The following PIK3CD variants were observed in gnomAD, a reference collection of about 807,000 sequenced individuals.
The protein encoded by PIK3CD is phosphatidylinositol 4,5-bisphosphate 3-kinase catalytic subunit delta isoform.
Under a neutral mutation model 122.9 loss-of-function variants are expected in PIK3CD, and 20 were observed. The observed-to-expected ratio is 0.16, with a 90% confidence interval of 0.11 to 0.24. PIK3CD has a LOEUF of 0.24. Among genes scored for constraint, PIK3CD ranks in the 10% least tolerant of loss-of-function variants. The pLI, the probability that PIK3CD is intolerant of heterozygous loss-of-function variation, is 1.00. For missense variants in PIK3CD, 787 were observed against 1,406.3 expected (o/e 0.56, Z 7.04); for synonymous variants, 596 against 593.4 (o/e 1.00, Z -0.06).
At chr1:9,681,745 C>G (rs1481808770) in intron 1 of PIK3CD, among the ~76,000 whole-genome samples, 2 of 152,156 alleles carry the variant, frequency 1.3e-5, no homozygotes, top group African/African-American at 2.4e-5. Flanking sequence ...AAGGTGCTAT[C>G]CCATCACTGT....
the PIK3CD span, among the ~76,000 whole-genome samples, chr1:9,637,583 C>A: frequency 4.6e-5 from 7 of 152,168 alleles, no homozygotes; most frequent in African/African-American, 1.7e-4. Context: ...AGTCTGAAGT[C>A]TCGGTGGAGA....
intron 15 of PIK3CD, 21 bp downstream of exon 15, chr1:9,721,608 C>A (rs757724826): frequency 1.2e-6 from 2 of 1,612,174 alleles, no homozygotes; most frequent in Non-Finnish European, 1.7e-6. Context: ...TTGCCCCAGC[C>A]GTTCTGTGGG....
At chr1:9,640,126 A>G in the PIK3CD span, among the ~76,000 whole-genome samples, 2 of 151,388 alleles carry the variant, frequency 1.3e-5, no homozygotes, top group Non-Finnish European at 2.9e-5. Flanking sequence ...GACCCCCGAG[A>G]TATGCACCCA....
intron 14 of PIK3CD, 41 bp from the exon 15 acceptor site, chr1:9,721,403 A>C: frequency 6.2e-7 from 1 of 1,611,446 alleles, no homozygotes; most frequent in Non-Finnish European, 8.5e-7. Context: ...TCCTGTCCTG[A>C]GTCGGGGAGC....
In PIK3CD at chr1:9,722,425, G is replaced by A; in HGVS notation, c.2347+69G>A. On this transcript the variant is annotated intron_variant, in intron 18 of 23. Transcript: ENST00000377346. The surrounding 1 kb of genome is among the most constrained non-coding windows in gnomAD (Gnocchi z 7.6). Reference sequence around the variant, plus strand: ...GGGTCCTGGGGTGCTCCTAGAGTGGGGGTGGAGAAGACAGAATCCTGGGAC... The same window carrying A: ...GGGTCCTGGGGTGCTCCTAGAGTGGAGGTGGAGAAGACAGAATCCTGGGAC... The A allele has an allele frequency of 6.5e-7, 1 of 1,544,344 alleles. No individual in the cohort carries two copies. Among genetic ancestry groups the A allele is most frequent in the Non-Finnish European group, 8.9e-7 (1 of 1,118,456 alleles).
At chr1:9,660,203 C>T (rs1042064216) in intron 1 of PIK3CD, among the ~76,000 whole-genome samples, 3 of 152,334 alleles carry the variant, frequency 2.0e-5, no homozygotes, top group Middle Eastern at 3.4e-3. Context: ...TGAGCCACCG[C>T]GCCTGGCCAG....
chr1:9,650,578 G>A (rs1421916584), upstream of PIK3CD, among the ~76,000 whole-genome samples: 1 of 151,658 alleles, frequency 6.6e-6, no homozygotes, highest in Non-Finnish European at 1.5e-5. Flanking sequence ...GAGCCGAGAT[G>A]GCACCACTGC....
upstream of PIK3CD, among the ~76,000 whole-genome samples, chr1:9,648,788 T>C (rs1265810902): frequency 6.6e-6 from 1 of 152,210 alleles, no homozygotes; most frequent in South Asian, 2.1e-4. Context: ...GAACACAGAA[T>C]CTGCAGCCTG....
rs1469703742 is a variant in PIK3CD, at chr1:9,651,775, G to C, written c.-165G>C. 6.6e-6 allele frequency: 1 copy of C among 152,078 alleles called. No homozygotes were observed. The highest frequency in any genetic ancestry group is 2.4e-5 in the African/African-American group (1 of 41,428). The allele number at this position is 152,078 out of a possible 1,614,324, so 9.4% of individuals were successfully genotyped here. A position where few individuals can be genotyped will look rare whatever the true frequency, so the allele number is the denominator to read the frequency against. On this transcript the variant is annotated 5_prime_UTR_variant, in exon 1 of 24. Transcript: ENST00000377346. ...GCTCCGAGCGGCCGCGAGCAGAGCC[G>C]CCCAGCCCTGCCAGCTGCGCCGGGA...
In PIK3CD at chr1:9,715,629, C is replaced by CG; in HGVS notation, c.232dup (p.Glu78GlyfsTer14). ...GTGTTCACCTGCATCAACCAGACAG[C>CG]GGAGCAGCAAGAGCTGGAGGACGAG... is the stretch of plus-strand genomic sequence containing the variant. On this transcript the variant is annotated frameshift_variant, in exon 4 of 24. Transcript: ENST00000377346. LOFTEE classifies it high-confidence loss of function. This position sits in a 1 kb window ranked among gnomAD's most constrained non-coding sequence, Gnocchi z 4.1. 1 of 1,613,812 alleles carries CG rather than the reference C, an allele frequency of 6.2e-7. No individual in the cohort carries two copies. The highest frequency in any genetic ancestry group is 8.5e-7 in the Non-Finnish European group (1 of 1,180,030).
At chr1:9,701,539 G>T (rs1646629964) in intron 2 of PIK3CD, among the ~76,000 whole-genome samples, 2 of 152,058 alleles carry the variant, frequency 1.3e-5, no homozygotes, top group Non-Finnish European at 2.9e-5. Flanking sequence ...CAGGCACAGT[G>T]GCAGACACCT....
At chr1:9,657,148 G>A (rs1477634762) in intron 1 of PIK3CD, among the ~76,000 whole-genome samples, 3 of 152,170 alleles carry the variant, frequency 2.0e-5, no homozygotes, top group East Asian at 1.9e-4. Context: ...CATCTCCTCC[G>A]TGTGTCTGGG....
chr1:9,712,308 G>GC (rs1647085782), intron 3 of PIK3CD, among the ~76,000 whole-genome samples: 1 of 150,740 alleles, frequency 6.6e-6, no homozygotes, highest in Admixed American at 6.6e-5. Flanking sequence ...TTGAGACAGG[G>GC]TTCACTCTGT....
At chr1:9,656,200 G>A (rs1347632609) in intron 1 of PIK3CD, among the ~76,000 whole-genome samples, 1 of 152,128 alleles carries the variant, frequency 6.6e-6, no homozygotes, top group Non-Finnish European at 1.5e-5. Flanking sequence ...GGGATTTTTG[G>A]TCCTGGAGGG....
the PIK3CD span, among the ~76,000 whole-genome samples, chr1:9,646,061 C>T: frequency 1.3e-5 from 2 of 152,114 alleles, no homozygotes; most frequent in African/African-American, 2.4e-5. Flanking sequence ...CGGGAGCCAC[C>T]GCACCTGGCC....
Position 9,722,625 on chromosome 1 carries a change from C to T in PIK3CD, c.2426+19C>T, listed in dbSNP as rs1440071775. 1.2e-6 allele frequency: 2 copies of T among 1,602,730 alleles called. No individual in the cohort carries two copies. Among genetic ancestry groups the T allele is most frequent in the Non-Finnish European group, 1.7e-6 (2 of 1,169,982 alleles). ...ACCTGAGGTGAGGACCCCCACCCCACATCGTCCCTTGGTGTCTGTGCCCAG... is the reference window on the plus strand; with the variant it reads ...ACCTGAGGTGAGGACCCCCACCCCATATCGTCCCTTGGTGTCTGTGCCCAG... On this transcript the variant is annotated intron_variant, in intron 19 of 23. Transcript: ENST00000377346. The surrounding 1 kb of genome is among the most constrained non-coding windows in gnomAD (Gnocchi z 7.6).
the PIK3CD span, among the ~76,000 whole-genome samples, chr1:9,636,588 T>C: frequency 6.6e-6 from 1 of 152,184 alleles, no homozygotes; most frequent in Non-Finnish European, 1.5e-5. Context: ...GCTCTTCCAT[T>C]GAGTGGATGT....
chr1:9,653,442 G>A (rs4240896), intron 1 of PIK3CD: 123,835 of 239,680 alleles, frequency 0.52, 35,055 homozygotes, highest in East Asian at 0.92. Context: ...GTTTCTCCAG[G>A]ATCCCAGCTC....
At chr1:9,671,920 G>A (rs139627947) in intron 1 of PIK3CD, among the ~76,000 whole-genome samples, 44 of 152,318 alleles carry the variant, frequency 2.9e-4, no homozygotes, top group African/African-American at 9.1e-4. Context: ...CTCACAGTGC[G>A]GTCTGCCCTC....
Sources: gnomAD v4.1 joint callset for allele counts (sites outside exome capture counted in the v4.1 genomes callset) on GRCh38, gnomAD v4.1.1 for gene constraint, Gnocchi (gnomAD v3.1) non-coding constraint, MANE v1.5 for transcripts, NCBI Gene and HGNC (gene_info 2026-07-23, HGNC 2026-07-21) for gene names.